The following COX7B2 variants were observed in gnomAD, a reference collection of about 807,000 sequenced individuals.
COX7B2 encodes the protein cytochrome c oxidase subunit 7B2, mitochondrial.
For synonymous variants in COX7B2, 37 were observed against 32.1 expected (o/e 1.15, Z -0.51); for missense variants, 109 against 95.9 (o/e 1.14, Z -0.57).
At chr4:46,773,397 G>A (rs1182363999) in intron 2 of COX7B2, among the ~76,000 whole-genome samples, 1 of 152,104 alleles carries the variant, frequency 6.6e-6, no homozygotes, top group East Asian at 1.9e-4. Flanking sequence ...GCTGTCATGT[G>A]AAGAAGACGT....
At chr4:46,884,488 AC>A (rs1299370118) in intron 1 of COX7B2, among the ~76,000 whole-genome samples, 1 of 152,238 alleles carries the variant, frequency 6.6e-6, no homozygotes, top group African/African-American at 2.4e-5. Flanking sequence ...GAGTTTTATC[AC>A]AAAAATTAGC....
At position 46,831,971 on chromosome 4, in the gene COX7B2, T is replaced by C. The variant is rs1001596556; in HGVS notation, c.-50+12989A>G. On this transcript the variant is annotated intron_variant, in intron 2 of 2. Transcript: ENST00000355591. ...TGGTGAGGTGGAGAACTTTTGTGTCTAGCTCAGGAATGGTAAATGCACCAA... is the reference window on the plus strand; with the variant it reads ...TGGTGAGGTGGAGAACTTTTGTGTCCAGCTCAGGAATGGTAAATGCACCAA... Among the ~76,000 whole-genome samples, 22 of 152,296 alleles carry C rather than the reference T, an allele frequency of 1.4e-4. 1 individual carries two copies. The highest frequency in any genetic ancestry group is 1.2e-3 in the Admixed American group (18 of 15,294).
intron 2 of COX7B2, among the ~76,000 whole-genome samples, chr4:46,788,680 A>G (rs1392072688): frequency 1.3e-5 from 2 of 152,214 alleles, no homozygotes; most frequent in South Asian, 2.1e-4. Flanking sequence ...ATTTGTATAT[A>G]TAACTTATTT....
At chr4:46,885,143 T>C (rs1473731662) in intron 1 of COX7B2, among the ~76,000 whole-genome samples, 3 of 152,244 alleles carry the variant, frequency 2.0e-5, no homozygotes, top group South Asian at 2.1e-4. Flanking sequence ...TATTATTACA[T>C]CCAAGTCTTG....
chr4:46,743,442 T>C (rs1714830238), intron 2 of COX7B2, among the ~76,000 whole-genome samples: 1 of 152,208 alleles, frequency 6.6e-6, no homozygotes. Flanking sequence ...TTTCATTAAC[T>C]TAAAAAAAGT....
chr4:46,779,388 A>G (rs1409986401), intron 2 of COX7B2, among the ~76,000 whole-genome samples: 3 of 152,120 alleles, frequency 2.0e-5, no homozygotes, highest in African/African-American at 4.8e-5. Flanking sequence ...TCCGTTGTGT[A>G]TATATATATG....
intron 2 of COX7B2, among the ~76,000 whole-genome samples, chr4:46,760,270 C>T (rs1002769846): frequency 1.3e-5 from 2 of 152,134 alleles, no homozygotes; most frequent in African/African-American, 4.8e-5. Context: ...ATGTTTATTG[C>T]AGCCCTTTTC....
chr4:46,806,598 C>T (rs1431754323), intron 2 of COX7B2, among the ~76,000 whole-genome samples: 1 of 152,010 alleles, frequency 6.6e-6, no homozygotes, highest in Non-Finnish European at 1.5e-5. Flanking sequence ...AATTTTACTG[C>T]CTATAGTCAT....
At chr4:46,781,711 T>C (rs11727711) in intron 2 of COX7B2, among the ~76,000 whole-genome samples, 52,583 of 152,106 alleles carry the variant, frequency 0.35, 9,284 homozygotes, top group South Asian at 0.47. Flanking sequence ...GGGCTGCGCC[T>C]GGCGCTCACC....
chr4:46,754,771 A>G (rs985698615), intron 2 of COX7B2, among the ~76,000 whole-genome samples: 14 of 107,542 alleles, frequency 1.3e-4, no homozygotes, highest in Non-Finnish European at 2.4e-4. Flanking sequence ...AGAATAGGCC[A>G]GTAATGGGTG....
At chr4:46,755,106 A>AC (rs1715702273) in intron 2 of COX7B2, among the ~76,000 whole-genome samples, 1 of 151,966 alleles carries the variant, frequency 6.6e-6, no homozygotes, top group Admixed American at 6.6e-5. Flanking sequence ...GGTGAGCTTT[A>AC]CCCCAGGGAG....
chr4:46,772,639 C>A (rs1377984474), intron 2 of COX7B2, among the ~76,000 whole-genome samples: 2 of 151,664 alleles, frequency 1.3e-5, no homozygotes, highest in Admixed American at 6.6e-5. Context: ...AAAGAAATGC[C>A]AAGGAACAGA....
chr4:46,802,412 C>T (rs946250022), intron 2 of COX7B2, among the ~76,000 whole-genome samples: 1 of 152,098 alleles, frequency 6.6e-6, no homozygotes, highest in African/African-American at 2.4e-5. Flanking sequence ...GTTTCTATGA[C>T]TTCCTTCATG....
chr4:46,755,107 C>T (rs142951794), intron 2 of COX7B2, among the ~76,000 whole-genome samples: 56 of 151,786 alleles, frequency 3.7e-4, no homozygotes, highest in African/African-American at 1.3e-3. Context: ...GTGAGCTTTA[C>T]CCCAGGGAGT....
chr4:46,869,780 C>T (rs1219329053), intron 1 of COX7B2, among the ~76,000 whole-genome samples: 1 of 152,012 alleles, frequency 6.6e-6, no homozygotes, highest in African/African-American at 2.4e-5. Flanking sequence ...GGTGACCTGC[C>T]ATTTCTCTCT....
At position 46,738,154 on chromosome 4, in the gene COX7B2, A is replaced by C. The variant is rs138019169; in HGVS notation, c.-49-2913T>G. Among the ~76,000 whole-genome samples the C allele has an allele frequency of 7.7e-4, 117 of 152,256 alleles. 1 individual carries two copies. The East Asian group carries it at 9.1e-3, about 12-fold the overall frequency. Reference sequence around the variant, plus strand: ...GCTTTCATTCTTTAGGAAGACACATAACCAAAGAATGATTTGTGATAACAG... The same window carrying C: ...GCTTTCATTCTTTAGGAAGACACATCACCAAAGAATGATTTGTGATAACAG... On this transcript the variant is annotated intron_variant, in intron 2 of 2. Transcript: ENST00000355591.
chr4:46,826,193 T>C (rs1442451072), intron 2 of COX7B2, among the ~76,000 whole-genome samples: 4 of 152,070 alleles, frequency 2.6e-5, no homozygotes, highest in African/African-American at 9.7e-5. Flanking sequence ...AACAACCCCA[T>C]TAAAAAGTGA....
intron 2 of COX7B2, among the ~76,000 whole-genome samples, chr4:46,815,618 A>T (rs1328574538): frequency 6.6e-6 from 1 of 152,232 alleles, no homozygotes; most frequent in Non-Finnish European, 1.5e-5. Flanking sequence ...GCAGAAATGC[A>T]GATTCAATTT....
intron 2 of COX7B2, among the ~76,000 whole-genome samples, chr4:46,840,249 A>G (rs1715842061): frequency 6.6e-6 from 1 of 151,988 alleles, no homozygotes; most frequent in Non-Finnish European, 1.5e-5. Flanking sequence ...ATAAGGCAGG[A>G]CTTTCCCAGA....
Sources: gnomAD v4.1 joint callset for allele counts (sites outside exome capture counted in the v4.1 genomes callset) on GRCh38, gnomAD v4.1.1 for gene constraint, MANE v1.5 for transcripts, NCBI Gene and HGNC (gene_info 2026-07-23, HGNC 2026-07-21) for gene names.